Variants in SIL1 observed in about 807,000 individuals in gnomAD.
SIL1 encodes SIL1 nucleotide exchange factor, also known as nucleotide exchange factor SIL1.
In SIL1, 40 loss-of-function variants were observed where a neutral mutation model predicts 49.1. That is an observed-to-expected ratio of 0.81 (90% CI 0.63 to 1.06). The LOEUF is 1.06. Among genes scored for constraint, SIL1 ranks in the 50% least tolerant of loss-of-function variants. The probability of loss-of-function intolerance (pLI) is 0.00; values close to 1 mark genes in which losing one functional copy is unlikely to be tolerated. For synonymous variants in SIL1, 253 were observed against 250.8 expected, an observed-to-expected ratio of 1.01 and a Z score of -0.08; for missense variants, 500 against 572.6, an observed-to-expected ratio of 0.87 and a Z score of 1.29.
intron 1 of SIL1, among the ~76,000 whole-genome samples, chr5:139,193,961 A>C (rs1752220332): frequency 6.6e-6 from 1 of 152,130 alleles, no homozygotes; most frequent in Non-Finnish European, 1.5e-5. Flanking sequence ...GGCTCTTTCC[A>C]TTTGTCTAGT....
chr5:138,987,974 C>T (rs1767680277), intron 7 of SIL1, among the ~76,000 whole-genome samples: 1 of 152,176 alleles, frequency 6.6e-6, no homozygotes, highest in Non-Finnish European at 1.5e-5. Context: ...GCTGGGATTA[C>T]AGGCATGCGC....
intron 7 of SIL1, among the ~76,000 whole-genome samples, chr5:138,980,031 C>T (rs1394825488): frequency 6.6e-6 from 1 of 152,176 alleles, no homozygotes; most frequent in Non-Finnish European, 1.5e-5. Flanking sequence ...AGGTTCTTTC[C>T]AGAATCCTCA....
intron 1 of SIL1, among the ~76,000 whole-genome samples, chr5:139,143,090 C>T (rs918354652): frequency 6.6e-6 from 1 of 151,416 alleles, no homozygotes; most frequent in African/African-American, 2.4e-5. Flanking sequence ...CACTTCTATT[C>T]AACATAATAC....
chr5:139,170,710 G>A (rs1362879392), intron 1 of SIL1, among the ~76,000 whole-genome samples: 83 of 146,996 alleles, frequency 5.6e-4, no homozygotes, highest in African/African-American at 1.4e-3. Context: ...CCCTCCGCCC[G>A]GCAGCCACCC....
intron 7 of SIL1, among the ~76,000 whole-genome samples, chr5:138,991,541 GC>G (rs1307164752): frequency 2.0e-4 from 30 of 152,158 alleles, no homozygotes; most frequent in Admixed American, 2.0e-3. Context: ...CCCTAAAAAA[GC>G]CCCAAGACTC....
At chr5:139,141,500 T>G (rs1367680215) in intron 1 of SIL1, among the ~76,000 whole-genome samples, 1 of 151,608 alleles carries the variant, frequency 6.6e-6, no homozygotes, top group Non-Finnish European at 1.5e-5. Context: ...AAAAAAAAAT[T>G]TTTTTTTCAT....
At chr5:139,001,485 T>G (rs964916931) in intron 7 of SIL1, among the ~76,000 whole-genome samples, 5 of 152,154 alleles carry the variant, frequency 3.3e-5, no homozygotes, top group South Asian at 2.1e-4. Flanking sequence ...TTTCAAATAG[T>G]GGGATGCTAA....
chr5:139,108,910 A>AG (rs1387217290), intron 3 of SIL1, among the ~76,000 whole-genome samples: 1 of 151,912 alleles, frequency 6.6e-6, no homozygotes, highest in African/African-American at 2.4e-5. Context: ...GGAAAAGAAA[A>AG]AAAAAAAAGA....
At chr5:139,033,427 T>A (rs1468580447) in intron 5 of SIL1, among the ~76,000 whole-genome samples, 1 of 151,848 alleles carries the variant, frequency 6.6e-6, no homozygotes, top group Non-Finnish European at 1.5e-5. Flanking sequence ...CTTGTTTCGA[T>A]CATCTTTTCC....
chr5:138,984,341 T>TG (rs981510616), intron 7 of SIL1, among the ~76,000 whole-genome samples: 1 of 151,058 alleles, frequency 6.6e-6, no homozygotes, highest in African/African-American at 2.4e-5. Flanking sequence ...TGTTTTTTTT[T>TG]TTGTTTGCTT....
intron 1 of SIL1, among the ~76,000 whole-genome samples, chr5:139,131,979 T>C (rs141210524): frequency 1.2e-4 from 19 of 152,018 alleles, no homozygotes; most frequent in South Asian, 2.1e-4. Context: ...CAGGACAACA[T>C]ACAACAAAAC....
chr5:139,026,516 T>C (rs1258873715), intron 6 of SIL1, among the ~76,000 whole-genome samples: 1 of 152,124 alleles, frequency 6.6e-6, no homozygotes, highest in Non-Finnish European at 1.5e-5. Context: ...GGCAGGAGAA[T>C]AGCTTGAACC....
intron 1 of SIL1, among the ~76,000 whole-genome samples, chr5:139,190,445 T>C (rs916136963): frequency 2.6e-5 from 4 of 152,208 alleles, no homozygotes; most frequent in Non-Finnish European, 5.9e-5. Flanking sequence ...AGGCAGTAAG[T>C]GGAGACAGGG....
At chr5:138,986,921 A>G (rs2150402972) in intron 7 of SIL1, among the ~76,000 whole-genome samples, 1 of 152,266 alleles carries the variant, frequency 6.6e-6, no homozygotes, top group African/African-American at 2.4e-5. Flanking sequence ...TCCTTGGAAA[A>G]GGGCAGCTTC....
intron 1 of SIL1, among the ~76,000 whole-genome samples, chr5:139,134,694 G>C (rs1750937020): frequency 6.6e-6 from 1 of 152,222 alleles, no homozygotes; most frequent in African/African-American, 2.4e-5. Context: ...CCCCAAGGCA[G>C]ACCCAGCCCA....
At chr5:139,002,001 A>G (rs879566130) in intron 7 of SIL1, among the ~76,000 whole-genome samples, 2 of 152,128 alleles carry the variant, frequency 1.3e-5, no homozygotes, top group Non-Finnish European at 2.9e-5. Flanking sequence ...ACTTGAGCTC[A>G]GGAGTTCGAG....
intron 3 of SIL1, among the ~76,000 whole-genome samples, chr5:139,057,329 G>GAAAAAAAAAAAAA (rs953514942): frequency 1.0e-5 from 1 of 99,984 alleles, no homozygotes; most frequent in Non-Finnish European, 2.1e-5. Flanking sequence ...AAAAAAAAAA[G>GAAAAAAAAAAAAA]AAAAGAAAAG....
intron 7 of SIL1, among the ~76,000 whole-genome samples, chr5:138,983,692 C>G (rs548591989): frequency 6.6e-6 from 1 of 152,050 alleles, no homozygotes; most frequent in South Asian, 2.1e-4. Context: ...CGCTCCACCC[C>G]TCCCCAACAC....
chr5:139,056,079 T>G (rs1460465960), intron 3 of SIL1, among the ~76,000 whole-genome samples: 1 of 151,730 alleles, frequency 6.6e-6, no homozygotes, highest in Non-Finnish European at 1.5e-5. Flanking sequence ...TTGCAGCCTC[T>G]GCCCGGCCGC....
Sources: allele counts gnomAD v4.1 joint callset (sites outside exome capture counted in the v4.1 genomes callset), GRCh38; gene constraint gnomAD v4.1.1; transcripts MANE v1.5; gene names NCBI Gene and HGNC (gene_info 2026-07-23, HGNC 2026-07-21).